Variants in BCAS3 observed in about 807,000 individuals in gnomAD.
The protein encoded by BCAS3 is BCAS4/BCAS3 fusion.
A neutral mutation model predicts 116.1 loss-of-function variants in BCAS3; 53 were observed. The ratio of observed to expected loss-of-function variants is 0.46; its 90% CI spans 0.37 to 0.57. The LOEUF (loss-of-function observed/expected upper bound fraction) is 0.57. Among genes scored for constraint, BCAS3 ranks in the 20% least tolerant of loss-of-function variants. The pLI is 0.00. For synonymous variants in BCAS3, 391 were observed against 408.2 expected, an observed-to-expected ratio of 0.96 and a Z score of 0.51; for missense variants, 917 against 1,165.4, an observed-to-expected ratio of 0.79 and a Z score of 3.10.
At chr17:61,022,762 C>T (rs1473689999) in intron 16 of BCAS3, among the ~76,000 whole-genome samples, 2 of 152,118 alleles carry the variant, frequency 1.3e-5, no homozygotes, top group Non-Finnish European at 2.9e-5. Flanking sequence ...ACTTCAACCT[C>T]CTGAGTAGCT....
intron 14 of BCAS3, among the ~76,000 whole-genome samples, chr17:60,972,914 T>C (rs1418039549): frequency 6.6e-6 from 1 of 152,238 alleles, no homozygotes; most frequent in African/African-American, 2.4e-5. Context: ...AAGGTAGTTA[T>C]TGCTATATGC....
At chr17:61,291,536 A>G (rs2041700265) in intron 22 of BCAS3, among the ~76,000 whole-genome samples, 1 of 152,152 alleles carries the variant, frequency 6.6e-6, no homozygotes, top group South Asian at 2.1e-4. Flanking sequence ...TGTGGTTCAT[A>G]TTTGCCGGGA....
chr17:60,690,921 AAAAAAC>A (rs201565580), intron 4 of BCAS3, among the ~76,000 whole-genome samples: 6 of 151,324 alleles, frequency 4.0e-5, no homozygotes, highest in Admixed American at 2.0e-4. Flanking sequence ...CTTTGTCTCA[AAAAAAC>A]AAAAACAAAA....
At position 61,028,415 on chromosome 17, in the gene BCAS3, TCTTA is replaced by T. The variant is rs1189748896; in HGVS notation, c.1638-6246_1638-6243del. Among the ~76,000 whole-genome samples, 5 of 151,874 alleles carry T rather than the reference TCTTA, an allele frequency of 3.3e-5. No individual in the cohort carries two copies. Among genetic ancestry groups the T allele is most frequent in the East Asian group, 1.9e-4 (1 of 5,202 alleles). ...TCTAAAAACAAATAAGATACACAGA[TCTTA>T]CTTATGAGCCTTCCAGTGATCAGTG... On this transcript the variant is annotated intron_variant, in intron 16 of 23. Transcript: ENST00000407086. This position sits in a 1 kb window ranked among gnomAD's most constrained non-coding sequence, Gnocchi z 4.3.
intron 22 of BCAS3, among the ~76,000 whole-genome samples, chr17:61,166,144 C>T (rs919193716): frequency 6.6e-6 from 1 of 152,162 alleles, no homozygotes; most frequent in African/African-American, 2.4e-5. Flanking sequence ...AAACAAAGCA[C>T]CTCTCCCAGG....
rs969460112 is a variant in BCAS3, at chr17:60,924,617, G to A, written c.1087+117G>A. ...TTTCTTCATGTATCAGTATATATCA[G>A]AAAAGTTATTAAGTCATTATATTGA... On this transcript the variant is annotated intron_variant, in intron 13 of 23. Transcript: ENST00000407086. 23 of 675,438 alleles carry A rather than the reference G, an allele frequency of 3.4e-5. No individual in the cohort carries two copies. In the African/African-American group the frequency reaches 3.7e-4, roughly 11 times the overall value. 41.8% of individuals were successfully genotyped at this position (675,438 alleles called of 1,614,324 possible). A position where few individuals can be genotyped will look rare whatever the true frequency, so the allele number is the denominator to read the frequency against.
intron 14 of BCAS3, among the ~76,000 whole-genome samples, chr17:60,988,740 GTC>G (rs2063338178): frequency 6.6e-6 from 1 of 151,364 alleles, no homozygotes; most frequent in African/African-American, 2.4e-5. Context: ...CAGTCATAAT[GTC>G]TCCTTTTTCA....
At position 61,211,573 on chromosome 17, in the gene BCAS3, C is replaced by T. The variant is rs1250544870; in HGVS notation, c.2425+127009C>T. On this transcript the variant is annotated intron_variant, in intron 22 of 23. Transcript: ENST00000407086. This position sits in a 1 kb window ranked among gnomAD's most constrained non-coding sequence, Gnocchi z 4.4. Reference sequence around the variant, plus strand: ...GAGGTGGCCGAGAAAGGCAGACAGGCTCTCCTGAGGCTGGTGTTGCAGATT... The same window carrying T: ...GAGGTGGCCGAGAAAGGCAGACAGGTTCTCCTGAGGCTGGTGTTGCAGATT... Among the ~76,000 whole-genome samples the T allele has an allele frequency of 3.3e-5, 5 of 151,968 alleles. No homozygotes were observed. The South Asian group carries it at 8.3e-4, about 25-fold the overall frequency.
intron 22 of BCAS3, among the ~76,000 whole-genome samples, chr17:61,160,975 G>A (rs1342562885): frequency 6.6e-6 from 1 of 152,100 alleles, no homozygotes; most frequent in African/African-American, 2.4e-5. Context: ...TATTTCCACT[G>A]ACTTTGATAA....
chr17:61,049,095 T>TC lies in BCAS3; in HGVS notation c.2029+8204dup, dbSNP rs1471811188. On this transcript the variant is annotated intron_variant, in intron 19 of 23. Transcript: ENST00000407086. ...GGAAGGATTGCTTGAGGTCAGGAGT[T>TC]CAATACCTGCCTAGAAATAGAGTGA... Among the ~76,000 whole-genome samples the TC allele has an allele frequency of 2.0e-5, 3 of 151,798 alleles. 1 individual carries two copies. Among genetic ancestry groups the TC allele is most frequent in the Non-Finnish European group, 2.9e-5 (2 of 67,888 alleles).
At chr17:61,331,139 C>T (rs75752039) in intron 22 of BCAS3, among the ~76,000 whole-genome samples, 3,136 of 152,162 alleles carry the variant, frequency 0.021, 100 homozygotes, top group African/African-American at 0.071. Flanking sequence ...CAGAGAAATA[C>T]ACATGAAACA....
chr17:61,010,252 A>G (rs1190327888), intron 15 of BCAS3, among the ~76,000 whole-genome samples: 2 of 151,878 alleles, frequency 1.3e-5, no homozygotes, highest in African/African-American at 4.8e-5. Context: ...TTTTTATAGT[A>G]TAGAATGTCT....
chr17:60,896,729 G>T (rs2057538018), intron 10 of BCAS3, among the ~76,000 whole-genome samples: 1 of 151,314 alleles, frequency 6.6e-6, no homozygotes, highest in Non-Finnish European at 1.5e-5. Context: ...TTATGGTAAG[G>T]TAAGTTTCTT....
chr17:60,723,304 A>G (rs1173871371), intron 5 of BCAS3, among the ~76,000 whole-genome samples: 1 of 151,686 alleles, frequency 6.6e-6, no homozygotes, highest in Non-Finnish European at 1.5e-5. Context: ...CGCCCACTGC[A>G]ACCTCTGCCT....
rs772063308 is a variant in BCAS3 at position 61,211,230 on chromosome 17, C to T, written c.2425+126666C>T. 1.5e-4 allele frequency among the ~76,000 whole-genome samples: 23 copies of T among 152,206 alleles called. No individual in the cohort carries two copies. Among genetic ancestry groups the T allele is most frequent in the Non-Finnish European group, 1.9e-4 (13 of 68,038 alleles). ...CTTTCCCCACTCTGTAATCAGTAATCATTGTCTGGTGTGTTCAGATGATAA... is the reference window on the plus strand; with the variant it reads ...CTTTCCCCACTCTGTAATCAGTAATTATTGTCTGGTGTGTTCAGATGATAA... On this transcript the variant is annotated intron_variant, in intron 22 of 23. Transcript: ENST00000407086. This position sits in a 1 kb window ranked among gnomAD's most constrained non-coding sequence, Gnocchi z 4.4.
intron 7 of BCAS3, among the ~76,000 whole-genome samples, chr17:60,841,875 C>T (rs2051967107): frequency 6.6e-6 from 1 of 152,172 alleles, no homozygotes; most frequent in African/African-American, 2.4e-5. Context: ...TGGCTGCTTA[C>T]ATAATCAGGC....
At chr17:61,331,928 G>T (rs888261584) in intron 22 of BCAS3, among the ~76,000 whole-genome samples, 1 of 152,182 alleles carries the variant, frequency 6.6e-6, no homozygotes, top group Non-Finnish European at 1.5e-5. Flanking sequence ...GCCCATGATG[G>T]GCTCGAGTGG....
At chr17:61,148,844 T>C (rs1176027339) in intron 22 of BCAS3, among the ~76,000 whole-genome samples, 1 of 152,232 alleles carries the variant, frequency 6.6e-6, no homozygotes, top group Non-Finnish European at 1.5e-5. Flanking sequence ...AAAAATGTAC[T>C]GTTTGGTTAA....
At chr17:61,031,653 C>T (rs972911170) in intron 16 of BCAS3, among the ~76,000 whole-genome samples, 1 of 151,956 alleles carries the variant, frequency 6.6e-6, no homozygotes, top group Non-Finnish European at 1.5e-5. Context: ...ATAGAAATAA[C>T]TTGATATGAA....
Sources: allele counts gnomAD v4.1 joint callset (sites outside exome capture counted in the v4.1 genomes callset), GRCh38; gene constraint gnomAD v4.1.1; non-coding constraint Gnocchi (gnomAD v3.1); transcripts MANE v1.5; gene names NCBI Gene and HGNC (gene_info 2026-07-23, HGNC 2026-07-21).